Variants in TULP3 observed in about 807,000 individuals in gnomAD.
TULP3 encodes the protein tubby-related protein 3.
In TULP3, 38 loss-of-function variants were observed where a neutral mutation model predicts 50.7. The observed-to-expected ratio is 0.75, with a 90% CI of 0.58 to 0.98. The LOEUF (loss-of-function observed/expected upper bound fraction) is 0.98, where lower values mean the gene tolerates loss of function less well. Ranked by LOEUF, TULP3 falls within the 50% of genes least tolerant of loss-of-function variation. The pLI is 0.00. For missense variants in TULP3, 550 were observed against 568.0 expected, an observed-to-expected ratio of 0.97 and a Z score of 0.32; for synonymous variants, 183 against 196.6, an observed-to-expected ratio of 0.93 and a Z score of 0.58.
intron 1 of TULP3, among the ~76,000 whole-genome samples, chr12:2,895,694 A>G (rs1306565533): frequency 6.6e-6 from 1 of 152,156 alleles, no homozygotes. Context: ...CACTCTATAC[A>G]GTTATTTGCC....
chr12:2,931,041 C>T lies in TULP3; in HGVS notation c.497C>T (p.Thr166Ile). The change falls in exon 6 of 11, where the codon ACA becomes ATA. Residue 166 changes from threonine to isoleucine, a missense_variant. Coordinates refer to ENST00000448120, the MANE Select transcript of TULP3 (RefSeq NM_003324.5). ...CATGTATGGCTGTCCTTTCAGGATA[C>T]AGGCACTTCCGGTTCTGCTACTGCC... ...NSASSQNSTD[T>I]GTSGSATAAQ... 6.2e-7 allele frequency: 1 copy of T among 1,614,072 alleles called. No individual in the cohort carries two copies. The highest frequency in any genetic ancestry group is 8.5e-7 in the Non-Finnish European group (1 of 1,180,014).
chr12:2,912,073 T>C (rs2098186011), intron 2 of TULP3, among the ~76,000 whole-genome samples: 1 of 152,126 alleles, frequency 6.6e-6, no homozygotes, highest in East Asian at 1.9e-4. Flanking sequence ...AAATGCAAGC[T>C]GAGCTTTCAA....
intron 1 of TULP3, among the ~76,000 whole-genome samples, chr12:2,891,337 G>C (rs951459373): frequency 1.3e-5 from 2 of 151,718 alleles, no homozygotes; most frequent in African/African-American, 4.8e-5. Flanking sequence ...CCCACTGCCC[G>C]GCGGTGTCAC....
At chr12:2,906,406 G>C (rs371794059) in intron 1 of TULP3, among the ~76,000 whole-genome samples, 87 of 151,016 alleles carry the variant, frequency 5.8e-4, no homozygotes, top group Middle Eastern at 6.9e-3. Context: ...TTGGCTCACT[G>C]AATCCTCCGC....
intron 1 of TULP3, among the ~76,000 whole-genome samples, chr12:2,904,762 GT>G (rs149776113): frequency 0.027 from 4,083 of 152,088 alleles, 190 homozygotes; most frequent in African/African-American, 0.094. Flanking sequence ...CTTGGTTATG[GT>G]TAGGCTTACT....
At chr12:2,892,606 G>T (rs188770265) in intron 1 of TULP3, among the ~76,000 whole-genome samples, 11 of 152,120 alleles carry the variant, frequency 7.2e-5, no homozygotes, top group Admixed American at 6.6e-4. Context: ...CCGCTTCCCG[G>T]GTTCAAGTGA....
chr12:2,900,787 G>T (rs554637735), intron 1 of TULP3, among the ~76,000 whole-genome samples: 1 of 150,526 alleles, frequency 6.6e-6, no homozygotes, highest in South Asian at 2.1e-4. Flanking sequence ...GCGGTGTGAC[G>T]ATAGCTCAAC....
At chr12:2,892,745 G>T (rs10744576) in intron 1 of TULP3, among the ~76,000 whole-genome samples, 1 of 151,364 alleles carries the variant, frequency 6.6e-6, no homozygotes, top group African/African-American at 2.4e-5. Context: ...TTCTTGACCT[G>T]GTGATCTGCC....
chr12:2,893,928 G>A (rs2098173835), intron 1 of TULP3, among the ~76,000 whole-genome samples: 1 of 151,990 alleles, frequency 6.6e-6, no homozygotes, highest in African/African-American at 2.4e-5. Context: ...ACAGGTGTGA[G>A]CGACCAGGCT....
In TULP3 at chr12:2,931,002, G is replaced by A. The variant is rs777668297; in HGVS notation, c.493-35G>A. On this transcript the variant is annotated intron_variant, in intron 5 of 10. Transcript: ENST00000448120. ...CAAAGAGAATCAGATTTTGAGTCTCGGCCTGTTGTTGCTCATGTATGGCTG... is the reference window on the plus strand; with the variant it reads ...CAAAGAGAATCAGATTTTGAGTCTCAGCCTGTTGTTGCTCATGTATGGCTG... The A allele has an allele frequency of 4.2e-5, 67 of 1,610,182 alleles. No homozygotes were observed. The South Asian group carries it at 6.4e-4, about 15-fold the overall frequency.
intron 2 of TULP3, among the ~76,000 whole-genome samples, chr12:2,911,239 TAAG>T (rs1325541561): frequency 6.6e-6 from 1 of 152,150 alleles, no homozygotes; most frequent in East Asian, 1.9e-4. Flanking sequence ...AATAAAAACA[TAAG>T]AATTCAAATA....
At position 2,934,533 on chromosome 12, in the gene TULP3, C is replaced by T; in HGVS notation, c.896C>T (p.Thr299Ile). The T allele has an allele frequency of 6.3e-7, 1 of 1,596,022 alleles. No individual in the cohort carries two copies. ...KGRGLVGAAHTRQELAAISYE... is the reference protein window; with the variant it reads ...KGRGLVGAAHIRQELAAISYE... ...CGGGGTTTGGTAGGAGCGGCCCACA[C>T]CCGGCAGGAGCTGGCTGCCATCTCC... The change falls in exon 8 of 11, where the codon ACC (threonine) becomes ATC (isoleucine). Residue 299 changes from threonine (T) to isoleucine (I), a missense_variant. By Grantham distance (89) the Thr-to-Ile change is moderately conservative (BLOSUM62 -1). Transcript: ENST00000448120.
intron 2 of TULP3, among the ~76,000 whole-genome samples, chr12:2,918,434 T>G (rs1236487612): frequency 6.6e-6 from 1 of 151,796 alleles, no homozygotes; most frequent in Non-Finnish European, 1.5e-5. Context: ...TTTTGTTTCA[T>G]CGATCATTTC....
rs781160062 is a variant in TULP3 at position 2,940,077 on chromosome 12, A to G, written c.*633A>G. On this transcript the variant is annotated 3_prime_UTR_variant, in exon 11 of 11. Coordinates refer to ENST00000448120, the MANE Select transcript of TULP3 (RefSeq NM_003324.5). ...GTGGCTGTGATCACATTTGTGATCA[A>G]TTATGTGAGAATTTTATATAATTGT... The G allele has an allele frequency of 1.6e-6, 2 of 1,289,486 alleles. No homozygotes were observed. The highest frequency in any genetic ancestry group is 2.5e-5 in the South Asian group (2 of 81,014). The allele number at this position is 1,289,486 out of a possible 1,614,324, so 79.9% of individuals were successfully genotyped here. A position where few individuals can be genotyped will look rare whatever the true frequency, so the allele number is the denominator to read the frequency against.
At chr12:2,897,322 TAATAC>T (rs201033856) in intron 1 of TULP3, among the ~76,000 whole-genome samples, 1,769 of 152,294 alleles carry the variant, frequency 0.012, 38 homozygotes, top group African/African-American at 0.04. Flanking sequence ...AAGATTTTTT[TAATAC>T]AGGGGAAATT....
chr12:2,919,825 T>C (rs556542481), intron 2 of TULP3, among the ~76,000 whole-genome samples: 4 of 152,182 alleles, frequency 2.6e-5, no homozygotes, highest in Admixed American at 2.6e-4. Context: ...TTTATCTTGC[T>C]TTTATTCATA....
chr12:2,920,843 T>G lies in TULP3; in HGVS notation c.174T>G (p.Arg58=). The G allele has an allele frequency of 6.2e-7, 1 of 1,614,126 alleles. No individual in the cohort carries two copies. The highest frequency in any genetic ancestry group is 8.5e-7 in the Non-Finnish European group (1 of 1,180,026). ...MVQPNPEARL[R]RAKPRASDEQ... is the part of the protein sequence containing the mutation. ...AGCCCAATCCAGAAGCCAGGCTACG[T>G]CGGGCAAAGCCAAGGGCCAGTGATG... is the stretch of plus-strand genomic sequence containing the variant. The change falls in exon 3 of 11, where the codon CGT becomes CGG. Residue 58 remains arginine (R), a synonymous_variant. Coordinates refer to ENST00000448120, the MANE Select transcript of TULP3 (RefSeq NM_003324.5).
rs1011521002 is a variant in TULP3 at position 2,940,514 on chromosome 12, A to G, written c.*1070A>G. On this transcript the variant is annotated 3_prime_UTR_variant, in exon 11 of 11. Coordinates refer to ENST00000448120, the MANE Select transcript of TULP3 (RefSeq NM_003324.5). ...CCACGTATTATGTGACTCTTACACC[A>G]GTTCACCCTTCCCAGAATGTATCCA... 6.5e-7 allele frequency: 1 copy of G among 1,540,930 alleles called. No individual in the cohort carries two copies. The highest frequency in any genetic ancestry group is 1.4e-5 in the African/African-American group (1 of 72,732).
At chr12:2,892,446 T>C (rs1464129424) in intron 1 of TULP3, among the ~76,000 whole-genome samples, 1 of 119,818 alleles carries the variant, frequency 8.3e-6, no homozygotes, top group African/African-American at 3.7e-5. Flanking sequence ...TTGATATGAC[T>C]CAGATTTTTT....
Sources: gnomAD v4.1 joint callset for allele counts (sites outside exome capture counted in the v4.1 genomes callset) on GRCh38, gnomAD v4.1.1 for gene constraint, MANE v1.5 for transcripts, NCBI Gene and HGNC (gene_info 2026-07-23, HGNC 2026-07-21) for gene names.